LEPR: variants seen among roughly 807,000 people sequenced by gnomAD.
LEPR encodes the protein OB receptor.
LEPR carries 56 observed loss-of-function variants against 114.7 expected under a neutral mutation model. The observed-to-expected ratio is 0.49, with a 90% CI of 0.39 to 0.61. LEPR has a LOEUF of 0.61. Among genes scored for constraint, LEPR ranks in the 20% least tolerant of loss-of-function variants. The pLI is 0.00. For synonymous variants in LEPR, 443 were observed against 461.4 expected (o/e 0.96, Z 0.51); for missense variants, 1,202 against 1,352.9 (o/e 0.89, Z 1.75).
intron 19 of LEPR, among the ~76,000 whole-genome samples, chr1:65,632,207 A>G (rs1031924290): frequency 2.0e-5 from 3 of 152,122 alleles, no homozygotes; most frequent in Admixed American, 2.0e-4. Flanking sequence ...AAGCATCCCT[A>G]AAGTTGCTAG....
intron 2 of LEPR, among the ~76,000 whole-genome samples, chr1:65,480,513 C>T (rs950019621): frequency 1.2e-4 from 19 of 152,044 alleles, no homozygotes; most frequent in African/African-American, 4.6e-4. Context: ...GCCAGTTAAC[C>T]CTTGCAGTAA....
At chr1:65,538,146 A>C (rs951193242) in intron 2 of LEPR, among the ~76,000 whole-genome samples, 1 of 150,636 alleles carries the variant, frequency 6.6e-6, no homozygotes, top group East Asian at 2.0e-4. Context: ...TACTTTCTTT[A>C]TTTTTTTGAA....
chr1:65,557,575 A>G (rs1344799587), intron 2 of LEPR, among the ~76,000 whole-genome samples: 1 of 152,026 alleles, frequency 6.6e-6, no homozygotes, highest in Non-Finnish European at 1.5e-5. Flanking sequence ...ACACGCCACC[A>G]CACCCAGCTA....
intron 3 of LEPR, among the ~76,000 whole-genome samples, chr1:65,568,314 G>A (rs368512284): frequency 8.6e-5 from 13 of 151,800 alleles, no homozygotes; most frequent in African/African-American, 2.2e-4. Context: ...GATATGTTGC[G>A]TAGTATGTAC....
intron 3 of LEPR, among the ~76,000 whole-genome samples, chr1:65,569,707 T>TAAAAAA (rs199787348): frequency 4.3e-5 from 4 of 92,460 alleles, no homozygotes; most frequent in Non-Finnish European, 6.2e-5. Flanking sequence ...AATTCCATCT[T>TAAAAAA]AAAAAAAAAA....
At chr1:65,497,970 C>A (rs142933949) in intron 2 of LEPR, among the ~76,000 whole-genome samples, 1 of 152,230 alleles carries the variant, frequency 6.6e-6, no homozygotes, top group African/African-American at 2.4e-5. Context: ...ATTGCAAGAC[C>A]TTGCTTGACA....
chr1:65,457,834 A>G (rs752591666), intron 2 of LEPR, among the ~76,000 whole-genome samples: 5 of 152,222 alleles, frequency 3.3e-5, no homozygotes, highest in Admixed American at 6.5e-5. Context: ...ATCCATAGGT[A>G]AAGCAAACTA....
Position 65,490,248 on chromosome 1 carries a change from G to A in LEPR, c.-21+64870G>A, listed in dbSNP as rs143939895. ...ATTACTGGGGGATGCTGCTGTCCAC[G>A]TACCAAAAGAGAACTGTAAAAAACA... On this transcript the variant is annotated intron_variant, in intron 2 of 19. Coordinates refer to ENST00000349533, the MANE Select transcript of LEPR (RefSeq NM_002303.6). 2.6e-4 allele frequency among the ~76,000 whole-genome samples: 40 copies of A among 152,164 alleles called. No homozygotes were observed. In the East Asian group the frequency reaches 7.2e-3, roughly 27 times the overall value.
intron 2 of LEPR, among the ~76,000 whole-genome samples, chr1:65,510,564 C>T (rs1026241289): frequency 6.6e-6 from 1 of 152,126 alleles, no homozygotes; most frequent in South Asian, 2.1e-4. Flanking sequence ...GTGTTTCCAC[C>T]AGTACTTTAT....
At chr1:65,525,758 T>TGCCCGAGCCCCGGCGCCGCC in intron 2 of LEPR, 1 of 986,144 alleles carries the variant, frequency 1.0e-6, no homozygotes, top group African/African-American at 1.7e-5. Flanking sequence ...GCGACGCAGG[T>TGCCCGAGCCCCGGCGCCGCC]GCCCGAGCCC....
At chr1:65,609,670 G>A (rs527683571) in intron 12 of LEPR, among the ~76,000 whole-genome samples, 57 of 152,306 alleles carry the variant, frequency 3.7e-4, no homozygotes, top group Admixed American at 6.5e-4. Context: ...GGGATTAGTA[G>A]GAGGGTAAGA....
chr1:65,458,285 C>A (rs1646903574), intron 2 of LEPR, among the ~76,000 whole-genome samples: 1 of 152,114 alleles, frequency 6.6e-6, no homozygotes, highest in South Asian at 2.1e-4. Flanking sequence ...ATATTCCTCC[C>A]ATCTTCATTT....
chr1:65,421,588 A>T lies in LEPR; in HGVS notation c.-97+848A>T. ...GTTAACATCTGCTATAAACATGTAG[A>T]TAGTATATATACGAGTACGCCTCTG... is the stretch of plus-strand genomic sequence containing the variant. On this transcript the variant is annotated intron_variant, in intron 1 of 19. Coordinates refer to ENST00000349533, the MANE Select transcript of LEPR (RefSeq NM_002303.6). 3.9e-6 allele frequency: 4 copies of T among 1,032,432 alleles called. No homozygotes were observed. The South Asian group carries it at 5.8e-5, about 15-fold the overall frequency. The allele number at this position is 1,032,432 out of a possible 1,614,324, so 64.0% of individuals were successfully genotyped here.
At chr1:65,432,921 A>G (rs1349237563) in intron 2 of LEPR, 1 of 956,084 alleles carries the variant, frequency 1.0e-6, no homozygotes. Context: ...AAAATATACA[A>G]TAATTTGTCA....
At chr1:65,472,654 T>G (rs1647102282) in intron 2 of LEPR, among the ~76,000 whole-genome samples, 1 of 141,790 alleles carries the variant, frequency 7.1e-6, no homozygotes, top group South Asian at 2.1e-4. Flanking sequence ...ACACATATAT[T>G]TCTTTTTTAA....
At chr1:65,432,273 A>G (rs1270770531) in intron 2 of LEPR, 2 of 998,842 alleles carry the variant, frequency 2.0e-6, no homozygotes, top group Non-Finnish European at 2.4e-6. Context: ...ACGCTGAAGC[A>G]GGCCTCTCAT....
chr1:65,536,800 A>C (rs566247233), intron 2 of LEPR, among the ~76,000 whole-genome samples: 1 of 152,310 alleles, frequency 6.6e-6, no homozygotes, highest in East Asian at 1.9e-4. Context: ...TTCAAAAAAG[A>C]ATGCCTCACT....
intron 2 of LEPR, among the ~76,000 whole-genome samples, chr1:65,501,386 T>G (rs1390937814): frequency 6.6e-6 from 1 of 151,480 alleles, no homozygotes; most frequent in African/African-American, 2.4e-5. Flanking sequence ...CTGCCTCCAT[T>G]TTCATGTGGC....
At chr1:65,573,802 G>T (rs1203068383) in intron 5 of LEPR, among the ~76,000 whole-genome samples, 2 of 152,054 alleles carry the variant, frequency 1.3e-5, no homozygotes, top group Admixed American at 6.6e-5. Context: ...GTTTCAATTT[G>T]GGAAAATGAA....
Sources: allele counts gnomAD v4.1 joint callset (sites outside exome capture counted in the v4.1 genomes callset), GRCh38; gene constraint gnomAD v4.1.1; transcripts MANE v1.5; gene names NCBI Gene and HGNC (gene_info 2026-07-23, HGNC 2026-07-21).